Variants in PRKN observed in about 807,000 individuals in gnomAD.
PRKN encodes E3 ubiquitin-protein ligase parkin.
A neutral mutation model predicts 59.5 loss-of-function variants in PRKN; 56 were observed. That is an observed-to-expected ratio of 0.94 (90% CI 0.76 to 1.18). The LOEUF is 1.18. Ranked by LOEUF, PRKN falls within the 50% of genes most tolerant of loss-of-function variation. PRKN has a pLI of 0.00. For missense variants in PRKN, 657 were observed against 596.4 expected, an observed-to-expected ratio of 1.10 and a Z score of -1.06; for synonymous variants, 250 against 222.1, an observed-to-expected ratio of 1.13 and a Z score of -1.12.
chr6:161,994,625 C>T (rs949646114), intron 5 of PRKN, among the ~76,000 whole-genome samples: 6 of 151,606 alleles, frequency 4.0e-5, no homozygotes, highest in Non-Finnish European at 7.4e-5. Context: ...AGTTGGAGGA[C>T]ACAAAATCAA....
intron 1 of PRKN, among the ~76,000 whole-genome samples, chr6:162,454,087 AGTT>A (rs1289705734): frequency 6.6e-6 from 1 of 152,200 alleles, no homozygotes; most frequent in African/African-American, 2.4e-5. Context: ...TACCTCCTAA[AGTT>A]GTTGTGAGAA....
At chr6:162,727,367 G>A in intron 1 of PRKN, 1 of 425,048 alleles carries the variant, frequency 2.4e-6, no homozygotes, top group Non-Finnish European at 4.1e-6. Context: ...CGGTCCGGGG[G>A]ACCGCGAACG....
intron 6 of PRKN, among the ~76,000 whole-genome samples, chr6:161,971,442 AAATT>A (rs1780802391): frequency 6.6e-6 from 1 of 152,212 alleles, no homozygotes; most frequent in South Asian, 2.1e-4. Flanking sequence ...ACAGTGACTT[AAATT>A]ACCTGCTGCT....
At chr6:162,130,470 T>C (rs998299202) in intron 4 of PRKN, among the ~76,000 whole-genome samples, 1 of 152,194 alleles carries the variant, frequency 6.6e-6, no homozygotes, top group African/African-American at 2.4e-5. Context: ...GTTAAATCAA[T>C]GTGCATCAGA....
At chr6:161,941,138 T>C (rs116769146) in intron 6 of PRKN, among the ~76,000 whole-genome samples, 1 of 152,194 alleles carries the variant, frequency 6.6e-6, no homozygotes, top group African/African-American at 2.4e-5. Flanking sequence ...CCCAGGGACC[T>C]AGGTGTGGAC....
chr6:161,811,385 G>C (rs1791550256), intron 6 of PRKN, among the ~76,000 whole-genome samples: 2 of 152,108 alleles, frequency 1.3e-5, no homozygotes, highest in Admixed American at 1.3e-4. Flanking sequence ...CAGAAATCAA[G>C]CCAGTGTGGT....
chr6:162,657,076 C>T (rs546907321), intron 1 of PRKN, among the ~76,000 whole-genome samples: 5 of 152,302 alleles, frequency 3.3e-5, no homozygotes, highest in Middle Eastern at 3.4e-3. Flanking sequence ...ATGTGGTGGG[C>T]TTGTTCATAT....
chr6:162,412,629 G>T (rs1347107894), intron 2 of PRKN, among the ~76,000 whole-genome samples: 1 of 152,010 alleles, frequency 6.6e-6, no homozygotes, highest in Non-Finnish European at 1.5e-5. Flanking sequence ...CTACAAATAT[G>T]TACAATGACA....
At chr6:161,439,859 C>G (rs1156615038) in intron 9 of PRKN, among the ~76,000 whole-genome samples, 1 of 152,044 alleles carries the variant, frequency 6.6e-6, no homozygotes, top group Non-Finnish European at 1.5e-5. Context: ...GTACTATGAG[C>G]TCAGATAGAC....
At chr6:161,720,701 C>T (rs1884156) in intron 7 of PRKN, among the ~76,000 whole-genome samples, 1 of 152,176 alleles carries the variant, frequency 6.6e-6, no homozygotes, top group Non-Finnish European at 1.5e-5. Flanking sequence ...ATGAAAATGC[C>T]CTTTGCTTTC....
intron 1 of PRKN, among the ~76,000 whole-genome samples, chr6:162,475,868 C>A (rs1463661162): frequency 1.3e-5 from 2 of 152,172 alleles, no homozygotes; most frequent in African/African-American, 4.8e-5. Context: ...TCTCCTGCCT[C>A]AGCCTCCCAA....
intron 4 of PRKN, among the ~76,000 whole-genome samples, chr6:162,093,086 A>G (rs80090689): frequency 0.094 from 14,318 of 152,230 alleles, 829 homozygotes; most frequent in African/African-American, 0.16. Flanking sequence ...AATTCCAGCC[A>G]GACTTAAACT....
chr6:162,561,764 G>A (rs935952771), intron 1 of PRKN, among the ~76,000 whole-genome samples: 7 of 152,162 alleles, frequency 4.6e-5, no homozygotes, highest in African/African-American at 7.2e-5. Flanking sequence ...CAGGGGGAAT[G>A]CAGATCCCTG....
At chr6:161,736,981 G>A (rs1187859172) in intron 7 of PRKN, among the ~76,000 whole-genome samples, 1 of 152,186 alleles carries the variant, frequency 6.6e-6, no homozygotes, top group African/African-American at 2.4e-5. Context: ...GTCTGACCAA[G>A]CATAGCTCAG....
intron 1 of PRKN, among the ~76,000 whole-genome samples, chr6:162,702,252 T>C (rs758939308): frequency 6.6e-6 from 1 of 152,180 alleles, no homozygotes; most frequent in Non-Finnish European, 1.5e-5. Flanking sequence ...TATCATGATA[T>C]ATTGAGTCTC....
chr6:162,618,979 T>C (rs1324191745), intron 1 of PRKN, among the ~76,000 whole-genome samples: 1 of 152,208 alleles, frequency 6.6e-6, no homozygotes, highest in Non-Finnish European at 1.5e-5. Context: ...CTAGCATCTA[T>C]AATACCTAGA....
chr6:162,000,597 T>C (rs934838246), intron 5 of PRKN, among the ~76,000 whole-genome samples: 44 of 152,088 alleles, frequency 2.9e-4, no homozygotes, highest in African/African-American at 8.2e-4. Flanking sequence ...TCCCAGTCTA[T>C]GGCTTGTTTC....
chr6:161,573,481 G>A (rs1233194727), intron 7 of PRKN, among the ~76,000 whole-genome samples: 4 of 151,470 alleles, frequency 2.6e-5, no homozygotes, highest in African/African-American at 4.8e-5. Context: ...AGCACTTTGG[G>A]AGGCAGAGGC....
At chr6:162,219,163 C>A (rs117759336) in intron 3 of PRKN, among the ~76,000 whole-genome samples, 1,655 of 152,186 alleles carry the variant, frequency 0.011, 23 homozygotes, top group Admixed American at 0.03. Context: ...TGTACTCCAG[C>A]CTGGGTAACA....
Sources: gnomAD v4.1 joint callset for allele counts (sites outside exome capture counted in the v4.1 genomes callset) on GRCh38, gnomAD v4.1.1 for gene constraint, MANE v1.5 for transcripts, NCBI Gene and HGNC (gene_info 2026-07-23, HGNC 2026-07-21) for gene names.